Variants in AHI1 observed in about 807,000 individuals in gnomAD.
AHI1 encodes Abelson helper integration site 1.
AHI1 carries 123 observed loss-of-function variants against 149.3 expected under a neutral mutation model. The ratio of observed to expected loss-of-function variants is 0.82; its 90% CI spans 0.71 to 0.96. The LOEUF is 0.96. Ranked by LOEUF, AHI1 falls within the 40% of genes least tolerant of loss-of-function variation. The probability of loss-of-function intolerance (pLI) is 0.00; values close to 1 mark genes in which losing one functional copy is unlikely to be tolerated. For missense variants in AHI1, 1,439 were observed against 1,422.7 expected, an observed-to-expected ratio of 1.01 and a Z score of -0.18; for synonymous variants, 475 against 459.8, an observed-to-expected ratio of 1.03 and a Z score of -0.42.
At chr6:135,425,008 T>C (rs1455504708) in intron 20 of AHI1, among the ~76,000 whole-genome samples, 1 of 151,978 alleles carries the variant, frequency 6.6e-6, no homozygotes, top group Non-Finnish European at 1.5e-5. Context: ...ATTATACTTT[T>C]CTTATGGATC....
chr6:135,392,099 A>G (rs1778597404), intron 23 of AHI1, among the ~76,000 whole-genome samples: 2 of 152,132 alleles, frequency 1.3e-5, no homozygotes, highest in Admixed American at 6.6e-5. Flanking sequence ...CACTTTGTTT[A>G]CACTGTGATT....
At chr6:135,390,655 T>A (rs888494527) in intron 23 of AHI1, among the ~76,000 whole-genome samples, 1 of 152,092 alleles carries the variant, frequency 6.6e-6, no homozygotes, top group Non-Finnish European at 1.5e-5. Context: ...TGACTGCCAC[T>A]AGCTATGTGA....
chr6:135,367,775 T>G (rs1367624790), intron 23 of AHI1, among the ~76,000 whole-genome samples: 2 of 152,194 alleles, frequency 1.3e-5, no homozygotes, highest in Non-Finnish European at 2.9e-5. Flanking sequence ...AAAAAATTTC[T>G]TTAAGTTGGT....
intron 18 of AHI1, among the ~76,000 whole-genome samples, chr6:135,429,048 G>A (rs148587323): frequency 6.6e-5 from 10 of 151,570 alleles, no homozygotes; most frequent in Non-Finnish European, 1.2e-4. Context: ...TTCAAACTTG[G>A]ACAAGAGAAA....
chr6:135,296,729 A>G (rs942793877), intron 27 of AHI1, among the ~76,000 whole-genome samples: 1 of 152,186 alleles, frequency 6.6e-6, no homozygotes, highest in Non-Finnish European at 1.5e-5. Flanking sequence ...TGTAGCACAC[A>G]TCTGGTATAA....
chr6:135,481,218 A>G (rs1793586396), intron 5 of AHI1, among the ~76,000 whole-genome samples: 1 of 152,244 alleles, frequency 6.6e-6, no homozygotes, highest in Non-Finnish European at 1.5e-5. Flanking sequence ...TGGACTTCTC[A>G]GCCTTAAAAC....
chr6:135,376,461 A>G (rs1254980441), intron 23 of AHI1, among the ~76,000 whole-genome samples: 1 of 152,232 alleles, frequency 6.6e-6, no homozygotes, highest in Admixed American at 6.5e-5. Context: ...CTGACATGAT[A>G]TGCACCCGAT....
chr6:135,414,167 T>C (rs969528351), intron 20 of AHI1, among the ~76,000 whole-genome samples: 18 of 152,154 alleles, frequency 1.2e-4, no homozygotes, highest in African/African-American at 4.1e-4. Context: ...CCAGGGTGTA[T>C]AGACAAAGTA....
intron 22 of AHI1, among the ~76,000 whole-genome samples, chr6:135,400,926 A>G (rs1250180528): frequency 6.6e-6 from 1 of 152,072 alleles, no homozygotes. Flanking sequence ...ATCTTTGGAG[A>G]AAGGCAGACC....
chr6:135,323,422 A>C, intron 24 of AHI1, 98 bp from the exon 25 acceptor site: 2 of 1,324,480 alleles, frequency 1.5e-6, no homozygotes, highest in Non-Finnish European at 2.1e-6. Context: ...GCTGAAACCA[A>C]AGCAGTACTT....
At chr6:135,476,400 G>C (rs1792647679) in intron 5 of AHI1, among the ~76,000 whole-genome samples, 1 of 150,126 alleles carries the variant, frequency 6.7e-6, no homozygotes, top group Admixed American at 6.6e-5. Context: ...TGTTTTATGG[G>C]CCAGAATGAT....
chr6:135,300,554 G>A lies in AHI1; in HGVS notation c.3431C>T (p.Ser1144Leu). 1 of 1,605,414 alleles carries A rather than the reference G, an allele frequency of 6.2e-7. No homozygotes were observed. Among genetic ancestry groups the A allele is most frequent in the African/African-American group, 1.3e-5 (1 of 74,910 alleles). Residue 1144 changes from serine (S) to leucine (L), a missense_variant, in exon 27 of 29, where the codon TCA becomes TTA. Ser to Leu is a moderately radical substitution (Grantham distance 145). Transcript: ENST00000265602. ...IEKSPAPQKQ[S>L]INKNKSQDFR... ...GTCCTGGGACTTGTTCTTATTGATT[G>A]ATTGCTGTGGAAGAAGAGGAAAAAC...
intron 24 of AHI1, among the ~76,000 whole-genome samples, chr6:135,352,264 A>T (rs1001559946): frequency 6.6e-6 from 1 of 152,178 alleles, no homozygotes; most frequent in African/African-American, 2.4e-5. Context: ...TTAACTGTTA[A>T]CCTAACATTC....
chr6:135,369,633 GAC>G (rs1562597543), intron 23 of AHI1, among the ~76,000 whole-genome samples: 2 of 152,086 alleles, frequency 1.3e-5, no homozygotes, highest in South Asian at 4.2e-4. Context: ...ATTTCACAGG[GAC>G]ACACAGATAT....
At chr6:135,332,407 A>G (rs1285871794) in intron 24 of AHI1, among the ~76,000 whole-genome samples, 1 of 152,108 alleles carries the variant, frequency 6.6e-6, no homozygotes, top group Admixed American at 6.5e-5. Flanking sequence ...AGAAGACTTT[A>G]CTCTAGGGAT....
At chr6:135,465,742 G>A in intron 7 of AHI1, 72 bp downstream of exon 7, 1 of 1,266,912 alleles carries the variant, frequency 7.9e-7, no homozygotes, top group Non-Finnish European at 1.0e-6. Flanking sequence ...TTAAACCACA[G>A]ATAATATTCA....
At chr6:135,483,098 C>G (rs982421321) in intron 5 of AHI1, among the ~76,000 whole-genome samples, 13 of 150,782 alleles carry the variant, frequency 8.6e-5, no homozygotes, top group African/African-American at 2.7e-4. Flanking sequence ...CAGGGTTTCA[C>G]TATGTTGGCC....
At chr6:135,424,999 T>C (rs1462230113) in intron 20 of AHI1, among the ~76,000 whole-genome samples, 1 of 151,936 alleles carries the variant, frequency 6.6e-6, no homozygotes, top group Non-Finnish European at 1.5e-5. Flanking sequence ...GTAATAAATA[T>C]TATACTTTTC....
chr6:135,456,063 T>C, intron 9 of AHI1, 137 bp from the exon 10 acceptor site: 1 of 517,030 alleles, frequency 1.9e-6, no homozygotes, highest in Non-Finnish European at 3.1e-6. Context: ...ATTCTGAGTG[T>C]CCATCTAGAA....
Sources: allele counts gnomAD v4.1 joint callset (sites outside exome capture counted in the v4.1 genomes callset), GRCh38; gene constraint gnomAD v4.1.1; transcripts MANE v1.5; gene names NCBI Gene and HGNC (gene_info 2026-07-23, HGNC 2026-07-21).